KCNC2: variants seen among roughly 807,000 people sequenced by gnomAD.
KCNC2 encodes voltage-gated potassium channel KCNC2.
KCNC2 carries 21 observed loss-of-function variants against 44.5 expected under a neutral mutation model. The observed-to-expected ratio is 0.47, with a 90% CI of 0.33 to 0.68. The LOEUF (loss-of-function observed/expected upper bound fraction) is 0.68. KCNC2 is among the 30% of genes least tolerant of loss of function. The pLI is 0.01. For synonymous variants in KCNC2, 391 were observed against 339.1 expected, an observed-to-expected ratio of 1.15 and a Z score of -1.68; for missense variants, 589 against 826.2, an observed-to-expected ratio of 0.71 and a Z score of 3.52.
In KCNC2 at chr12:75,041,834, G is replaced by A; in HGVS notation, c.*1271C>T. 2 of 988,074 alleles carry A rather than the reference G, an allele frequency of 2.0e-6. No individual in the cohort carries two copies. Among genetic ancestry groups the A allele is most frequent in the Non-Finnish European group, 1.2e-6 (1 of 832,026 alleles). 61.2% of individuals were successfully genotyped at this position (988,074 alleles called of 1,614,324 possible). A position where few individuals can be genotyped will look rare whatever the true frequency, so the allele number is the denominator to read the frequency against. On this transcript the variant is annotated 3_prime_UTR_variant, in exon 5 of 5. Transcript: ENST00000549446. Reference sequence around the variant, plus strand: ...ATTAATTTATACACAAAGCAGAGAGGCTGCTCCAAATAGCAAAAAATGGTA... The same window carrying A: ...ATTAATTTATACACAAAGCAGAGAGACTGCTCCAAATAGCAAAAAATGGTA...
intron 2 of KCNC2, among the ~76,000 whole-genome samples, chr12:75,160,710 T>G (rs1412577215): frequency 6.6e-6 from 1 of 151,866 alleles, no homozygotes. Context: ...TGATATCCTC[T>G]GTATTCAGAT....
chr12:75,155,978 C>A (rs1231673021), intron 2 of KCNC2, among the ~76,000 whole-genome samples: 1 of 151,554 alleles, frequency 6.6e-6, no homozygotes, highest in Non-Finnish European at 1.5e-5. Context: ...TACAATGAGG[C>A]ACAGTTTCTT....
At chr12:75,176,418 C>T (rs1565665050) in intron 2 of KCNC2, among the ~76,000 whole-genome samples, 1 of 151,962 alleles carries the variant, frequency 6.6e-6, no homozygotes, top group Non-Finnish European at 1.5e-5. Flanking sequence ...CCACCTAAAT[C>T]AGAGTAAAAG....
chr12:75,078,678 G>T (rs1345862986), intron 2 of KCNC2, among the ~76,000 whole-genome samples: 1 of 152,100 alleles, frequency 6.6e-6, no homozygotes, highest in Non-Finnish European at 1.5e-5. Flanking sequence ...TTGCTTAAGG[G>T]CACATAGATA....
intron 2 of KCNC2, among the ~76,000 whole-genome samples, chr12:75,163,391 AT>A (rs1176777928): frequency 6.6e-6 from 1 of 151,710 alleles, no homozygotes; most frequent in Non-Finnish European, 1.5e-5. Flanking sequence ...AGAGAAACTT[AT>A]TATTTAAATG....
Position 75,136,733 on chromosome 12 carries a change from AGTTCTACCAGAT to A in KCNC2, c.687+70552_687+70563del, listed in dbSNP as rs1889258116. Among the ~76,000 whole-genome samples, 5 of 152,262 alleles carry A rather than the reference AGTTCTACCAGAT, an allele frequency of 3.3e-5. No individual in the cohort carries two copies. In the South Asian group the frequency reaches 1.0e-3, roughly 32 times the overall value. On this transcript the variant is annotated intron_variant, in intron 2 of 4. Transcript: ENST00000549446. ...CCAGGACCAGATGGATTCACAACTG[AGTTCTACCAGAT>A]GTACAAAGAAGAACTGGTACCAGTC...
intron 2 of KCNC2, among the ~76,000 whole-genome samples, chr12:75,109,857 A>G (rs1284540889): frequency 6.6e-6 from 1 of 152,124 alleles, no homozygotes; most frequent in Non-Finnish European, 1.5e-5. Context: ...AGGCAATAAG[A>G]TTATGTAAGG....
chr12:75,118,054 A>C (rs12304388), intron 2 of KCNC2, among the ~76,000 whole-genome samples: 22,757 of 152,100 alleles, frequency 0.15, 2,020 homozygotes, highest in Middle Eastern at 0.27. Flanking sequence ...CATTTTTGTA[A>C]CTCAGTCCTA....
intron 2 of KCNC2, among the ~76,000 whole-genome samples, chr12:75,131,271 T>G (rs1888825022): frequency 6.6e-6 from 1 of 152,154 alleles, no homozygotes. Flanking sequence ...CATATGAACT[T>G]TATAATAATT....
chr12:75,076,262 TATTA>T (rs2137058764), intron 2 of KCNC2, among the ~76,000 whole-genome samples: 1 of 152,104 alleles, frequency 6.6e-6, no homozygotes, highest in Admixed American at 6.5e-5. Flanking sequence ...TATTTTATTT[TATTA>T]TTTTATTTAA....
intron 2 of KCNC2, among the ~76,000 whole-genome samples, chr12:75,171,278 C>T (rs73355662): frequency 3.3e-5 from 5 of 151,856 alleles, no homozygotes; most frequent in African/African-American, 9.6e-5. Context: ...ACAGAAATAT[C>T]CCTTCCCATT....
chr12:75,201,058 A>C (rs1351024383), intron 2 of KCNC2, among the ~76,000 whole-genome samples: 1 of 151,462 alleles, frequency 6.6e-6, no homozygotes, highest in East Asian at 1.9e-4. Context: ...TCTTAGACCT[A>C]AGAAATGACA....
intron 2 of KCNC2, among the ~76,000 whole-genome samples, chr12:75,145,932 C>G (rs901446975): frequency 6.6e-6 from 1 of 150,660 alleles, no homozygotes; most frequent in African/African-American, 2.4e-5. Context: ...ACAGCTACAA[C>G]TAAAGTCTTA....
At chr12:75,140,579 G>A (rs910060568) in intron 2 of KCNC2, among the ~76,000 whole-genome samples, 5 of 151,816 alleles carry the variant, frequency 3.3e-5, no homozygotes, top group South Asian at 4.1e-4. Context: ...ATTTTATCAC[G>A]TTAAAAAATA....
chr12:75,100,437 G>A (rs1479196009), intron 2 of KCNC2, among the ~76,000 whole-genome samples: 1 of 151,926 alleles, frequency 6.6e-6, no homozygotes, highest in Non-Finnish European at 1.5e-5. Context: ...CTCTTTAAAT[G>A]TTAAAATATC....
chr12:75,199,088 T>C (rs898971834), intron 2 of KCNC2, among the ~76,000 whole-genome samples: 2 of 151,878 alleles, frequency 1.3e-5, no homozygotes, highest in Non-Finnish European at 2.9e-5. Flanking sequence ...AGTTGATTAC[T>C]TTTTCTTTCT....
intron 2 of KCNC2, among the ~76,000 whole-genome samples, chr12:75,163,298 A>G (rs1891239971): frequency 6.6e-6 from 1 of 151,770 alleles, no homozygotes; most frequent in Non-Finnish European, 1.5e-5. Context: ...CAAAAACTCC[A>G]GAGGGAAAAT....
intron 2 of KCNC2, among the ~76,000 whole-genome samples, chr12:75,147,241 A>G (rs1362478001): frequency 2.0e-5 from 3 of 152,202 alleles, no homozygotes; most frequent in African/African-American, 7.2e-5. Context: ...ATTTACAGAC[A>G]GAAACATGAA....
At chr12:75,083,012 T>C (rs1298913169) in intron 2 of KCNC2, among the ~76,000 whole-genome samples, 1 of 151,406 alleles carries the variant, frequency 6.6e-6, no homozygotes, top group African/African-American at 2.4e-5. Context: ...TCAGTGGAGA[T>C]AGAATGCATA....
Sources: allele counts gnomAD v4.1 joint callset (sites outside exome capture counted in the v4.1 genomes callset), GRCh38; gene constraint gnomAD v4.1.1; transcripts MANE v1.5; gene names NCBI Gene and HGNC (gene_info 2026-07-23, HGNC 2026-07-21).